The following VRK2 variants were observed in gnomAD, a reference collection of about 807,000 sequenced individuals.
VRK2 encodes the protein serine/threonine-protein kinase VRK2.
A neutral mutation model predicts 57.6 loss-of-function variants in VRK2; 60 were observed. The ratio of observed to expected loss-of-function variants is 1.04; its 90% CI spans 0.85 to 1.29. The LOEUF (loss-of-function observed/expected upper bound fraction) is 1.29. Ranked by LOEUF, VRK2 falls within the 50% of genes most tolerant of loss-of-function variation. VRK2 has a pLI of 0.00. For missense variants in VRK2, 705 were observed against 588.1 expected, an observed-to-expected ratio of 1.20 and a Z score of -2.06; for synonymous variants, 231 against 199.2, an observed-to-expected ratio of 1.16 and a Z score of -1.35.
At chr2:57,985,020 C>T (rs1431198674) in intron 1 of VRK2, among the ~76,000 whole-genome samples, 5 of 151,826 alleles carry the variant, frequency 3.3e-5, no homozygotes, top group Non-Finnish European at 5.9e-5. Context: ...AGTCATTACG[C>T]AAATTTGTTA....
chr2:58,087,282 A>T (rs1671763435), intron 5 of VRK2, among the ~76,000 whole-genome samples: 1 of 152,186 alleles, frequency 6.6e-6, no homozygotes, highest in Admixed American at 6.5e-5. Context: ...AATGCTTTAA[A>T]TTTAAAAAAA....
intron 1 of VRK2, among the ~76,000 whole-genome samples, chr2:58,000,111 T>C (rs1673047788): frequency 6.6e-6 from 1 of 152,238 alleles, no homozygotes; most frequent in Non-Finnish European, 1.5e-5. Flanking sequence ...CAATTATTTC[T>C]TCATCATTCA....
chr2:58,055,027 A>G (rs1676308818), intron 2 of VRK2, among the ~76,000 whole-genome samples: 1 of 152,210 alleles, frequency 6.6e-6, no homozygotes, highest in South Asian at 2.1e-4. Flanking sequence ...TTCTGTAGAA[A>G]GACATCCATT....
At chr2:57,977,160 T>G (rs913794387) in intron 1 of VRK2, among the ~76,000 whole-genome samples, 1 of 152,168 alleles carries the variant, frequency 6.6e-6, no homozygotes, top group Admixed American at 6.5e-5. Flanking sequence ...GCCTCTGGCT[T>G]TGTTCTTTTA....
intron 1 of VRK2, among the ~76,000 whole-genome samples, chr2:57,997,834 G>A (rs1370329581): frequency 6.6e-6 from 1 of 151,628 alleles, no homozygotes; most frequent in African/African-American, 2.4e-5. Context: ...CGAAGGCAGA[G>A]GTTGCAGTGA....
At position 58,139,700 on chromosome 2, in the gene VRK2, T is replaced by A. The variant is rs1681042380; in HGVS notation, c.891T>A (p.Ser297Arg). Residue 297 changes from serine (S) to arginine (R), a missense_variant, in exon 11 of 13, where the codon AGT becomes AGA. Coordinates refer to ENST00000340157, the MANE Select transcript of VRK2 (RefSeq NM_006296.7). ...CCCAATTTTTGGTATGTGCTCATAG[T>A]TTAGCATATGATGAAAAGCCAAACT... ...EIAQFLVCAH[S>R]LAYDEKPNYQ... 2 of 1,612,946 alleles carry A rather than the reference T, an allele frequency of 1.2e-6. No homozygotes were observed. The highest frequency in any genetic ancestry group is 1.6e-4 in the Middle Eastern group (1 of 6,072).
intron 1 of VRK2, among the ~76,000 whole-genome samples, chr2:58,002,390 G>A (rs775460085): frequency 6.6e-6 from 1 of 152,062 alleles, no homozygotes; most frequent in Non-Finnish European, 1.5e-5. Context: ...AGGCAGAATT[G>A]CTTGAACCCA....
chr2:57,940,081 G>T (rs1045126442), intron 1 of VRK2, among the ~76,000 whole-genome samples: 1 of 152,052 alleles, frequency 6.6e-6, no homozygotes. Context: ...GTTCTCCAGA[G>T]AAATGGAAAT....
intron 1 of VRK2, among the ~76,000 whole-genome samples, chr2:57,992,561 G>A (rs1052830730): frequency 1.6e-4 from 24 of 151,710 alleles, no homozygotes; most frequent in African/African-American, 5.3e-4. Context: ...ACGGAGTCTC[G>A]CTCTGTCGCC....
intron 12 of VRK2, among the ~76,000 whole-genome samples, chr2:58,152,251 C>T (rs1397675654): frequency 6.6e-6 from 1 of 151,812 alleles, no homozygotes; most frequent in East Asian, 1.9e-4. Context: ...TATAACTAGC[C>T]ATATTTCAAG....
intron 1 of VRK2, among the ~76,000 whole-genome samples, chr2:57,969,800 C>G (rs1374855630): frequency 6.6e-6 from 1 of 152,084 alleles, no homozygotes; most frequent in African/African-American, 2.4e-5. Context: ...AGAAATCTCT[C>G]CTCTTATTCT....
chr2:58,069,607 C>T (rs1349868490), intron 2 of VRK2, among the ~76,000 whole-genome samples: 1 of 152,066 alleles, frequency 6.6e-6, no homozygotes, highest in Non-Finnish European at 1.5e-5. Context: ...GACCACAACT[C>T]ATTTGATTGG....
intron 1 of VRK2, chr2:58,047,191 G>T: frequency 3.8e-6 from 1 of 261,780 alleles, no homozygotes; most frequent in Non-Finnish European, 5.9e-6. Flanking sequence ...TGGGGCGCGG[G>T]GTTGGCCGTA....
At position 58,014,164 on chromosome 2, in the gene VRK2, G is replaced by A. The variant is rs1673502620; in HGVS notation, c.-438-11501G>A. The stretch of plus-strand genomic sequence containing the variant: ...AAAATTGATACATGTATTAAAAATT[G>A]GTGCACCAACTCGGGAATATATTAT... On this transcript the variant is annotated intron_variant, in intron 1 of 15. Transcript: ENST00000417641. Among the ~76,000 whole-genome samples, 2 of 152,096 alleles carry A rather than the reference G, an allele frequency of 1.3e-5. 1 individual carries two copies. Among genetic ancestry groups the A allele is most frequent in the South Asian group, 4.2e-4 (2 of 4,812 alleles).
chr2:58,039,573 A>C (rs201015368), intron 3 of VRK2, among the ~76,000 whole-genome samples: 1 of 152,096 alleles, frequency 6.6e-6, no homozygotes, highest in Non-Finnish European at 1.5e-5. Flanking sequence ...CATTACCCCA[A>C]TAAGCATATT....
chr2:58,074,133 A>C (rs902018599), intron 2 of VRK2, among the ~76,000 whole-genome samples: 2 of 152,152 alleles, frequency 1.3e-5, no homozygotes, highest in African/African-American at 4.8e-5. Context: ...TTGTGTTAGC[A>C]TGATAGATCT....
At chr2:58,127,318 C>T (rs1004711684) in intron 8 of VRK2, among the ~76,000 whole-genome samples, 1 of 152,048 alleles carries the variant, frequency 6.6e-6, no homozygotes, top group Non-Finnish European at 1.5e-5. Flanking sequence ...TTACGCAATA[C>T]TTATGTCTTG....
intron 1 of VRK2, among the ~76,000 whole-genome samples, chr2:57,954,843 C>T (rs1179293583): frequency 1.3e-5 from 2 of 151,968 alleles, no homozygotes; most frequent in Non-Finnish European, 2.9e-5. Flanking sequence ...GAGAGTGCCA[C>T]CAATTTTTAC....
intron 7 of VRK2, 89 bp from the exon 8 acceptor site, chr2:58,123,012 T>A: frequency 6.7e-7 from 1 of 1,485,522 alleles, no homozygotes; most frequent in East Asian, 2.5e-5. Context: ...GAGGCTGTTC[T>A]TAACCTATCA....
Sources: allele counts gnomAD v4.1 joint callset (sites outside exome capture counted in the v4.1 genomes callset), GRCh38; gene constraint gnomAD v4.1.1; transcripts MANE v1.5; gene names NCBI Gene and HGNC (gene_info 2026-07-23, HGNC 2026-07-21).